KLHDC1: variants seen among roughly 807,000 people sequenced by gnomAD.
The protein encoded by KLHDC1 is kelch domain-containing protein 1.
A neutral mutation model predicts 68.3 loss-of-function variants in KLHDC1; 53 were observed. That is an observed-to-expected ratio of 0.78 (90% confidence interval 0.62 to 0.98). The LOEUF is 0.98. Ranked by LOEUF, KLHDC1 falls within the 50% of genes least tolerant of loss-of-function variation. The probability of loss-of-function intolerance (pLI) is 0.00; values close to 1 mark genes in which losing one functional copy is unlikely to be tolerated. For missense variants in KLHDC1, 470 were observed against 492.3 expected, an observed-to-expected ratio of 0.95 and a Z score of 0.43; for synonymous variants, 148 against 159.0, an observed-to-expected ratio of 0.93 and a Z score of 0.52.
At chr14:49,751,475 C>A in intron 12 of KLHDC1, 111 bp from the exon 13 acceptor site, 1 of 489,006 alleles carries the variant, frequency 2.0e-6, no homozygotes, top group Non-Finnish European at 3.4e-6. Flanking sequence ...AAAAAAAGAT[C>A]TGTGAAAGTC....
intron 4 of KLHDC1, among the ~76,000 whole-genome samples, chr14:49,713,111 G>A (rs541122124): frequency 6.6e-5 from 10 of 151,490 alleles, no homozygotes; most frequent in East Asian, 3.9e-4. Context: ...CACCACACCC[G>A]GGTAATTTTT....
intron 6 of KLHDC1, among the ~76,000 whole-genome samples, chr14:49,727,102 G>A (rs1888689615): frequency 6.6e-6 from 1 of 152,142 alleles, no homozygotes; most frequent in African/African-American, 2.4e-5. Context: ...AAGGAAATTA[G>A]CTGGGCGTGG....
intron 12 of KLHDC1, among the ~76,000 whole-genome samples, chr14:49,747,108 G>A (rs538988798): frequency 1.3e-5 from 2 of 151,966 alleles, no homozygotes; most frequent in African/African-American, 4.8e-5. Context: ...CACCACACCC[G>A]GCTAATTTTT....
intron 1 of KLHDC1, among the ~76,000 whole-genome samples, chr14:49,699,287 C>T (rs774217253): frequency 3.3e-5 from 5 of 151,358 alleles, no homozygotes; most frequent in Non-Finnish European, 5.9e-5. Flanking sequence ...GAAAATACAA[C>T]ACAGATGTAG....
intron 1 of KLHDC1, among the ~76,000 whole-genome samples, chr14:49,696,805 G>A (rs1009836363): frequency 6.6e-6 from 1 of 150,804 alleles, no homozygotes; most frequent in Non-Finnish European, 1.5e-5. Flanking sequence ...CTAGCTTTTG[G>A]CCTGTATTAG....
chr14:49,704,298 C>A (rs1453816282), intron 1 of KLHDC1, among the ~76,000 whole-genome samples: 1 of 148,850 alleles, frequency 6.7e-6, no homozygotes, highest in Admixed American at 6.7e-5. Flanking sequence ...CTTTTTTTAA[C>A]TAATTTATAC....
At position 49,709,189 on chromosome 14, in the gene KLHDC1, A is replaced by C; in HGVS notation, c.127A>C (p.Asn43His). 2 of 1,381,304 alleles carry C rather than the reference A, an allele frequency of 1.4e-6. No homozygotes were observed. The highest frequency in any genetic ancestry group is 3.9e-5 in the Admixed American group (2 of 51,928). The allele number at this position is 1,381,304 out of a possible 1,614,324, so 85.6% of individuals were successfully genotyped here. A position where few individuals can be genotyped will look rare whatever the true frequency, so the allele number is the denominator to read the frequency against. Residue 43 changes from asparagine to histidine, a missense_variant, in exon 2 of 13, where the codon AAT becomes CAT. Physicochemically the swap from Asn to His is moderately conservative, Grantham distance 68. Coordinates refer to ENST00000359332, the MANE Select transcript of KLHDC1 (RefSeq NM_172193.3). ...SIEDNEVYLP[N>H]DEIWTYDIDS... The stretch of plus-strand genomic sequence containing the variant: ...TGAAGACAATGAAGTATATTTGCCT[A>C]ATGATGAAATTTGGACCTATGATAT...
chr14:49,701,602 T>C (rs1887907479), intron 1 of KLHDC1, among the ~76,000 whole-genome samples: 1 of 151,978 alleles, frequency 6.6e-6, no homozygotes, highest in Non-Finnish European at 1.5e-5. Flanking sequence ...GAGGTTGTGG[T>C]GAGCCGAGAT....
intron 4 of KLHDC1, among the ~76,000 whole-genome samples, chr14:49,718,186 T>C (rs149089109): frequency 5.3e-5 from 8 of 152,166 alleles, no homozygotes; most frequent in African/African-American, 1.4e-4. Context: ...GTGCCCAGCA[T>C]TGAGGGTGTG....
At chr14:49,741,249 C>G (rs1189727041) in intron 11 of KLHDC1, among the ~76,000 whole-genome samples, 1 of 151,988 alleles carries the variant, frequency 6.6e-6, no homozygotes, top group Non-Finnish European at 1.5e-5. Context: ...CCTTCTGAAT[C>G]TTACCTACTA....
chr14:49,746,295 A>C (rs1889197514), intron 12 of KLHDC1, among the ~76,000 whole-genome samples: 1 of 152,174 alleles, frequency 6.6e-6, no homozygotes, highest in Non-Finnish European at 1.5e-5. Flanking sequence ...CCAGACATAA[A>C]ATTTCATAAT....
chr14:49,713,844 A>ATTTTTTTT (rs1888293520), intron 4 of KLHDC1, among the ~76,000 whole-genome samples: 2 of 35,600 alleles, frequency 5.6e-5, no homozygotes, highest in African/African-American at 1.1e-4. Context: ...ATATATATAT[A>ATTTTTTTT]TATATATTTT....
Position 49,734,587 on chromosome 14 carries a change from A to G in KLHDC1, c.824-2A>G, listed in dbSNP as rs1331731585. 5.1e-6 allele frequency: 8 copies of G among 1,568,830 alleles called. No individual in the cohort carries two copies. Among genetic ancestry groups the G allele is most frequent in the Admixed American group, 3.5e-5 (2 of 57,258 alleles). On this transcript the variant is annotated splice_acceptor_variant, in intron 9 of 12. Coordinates refer to ENST00000359332, the MANE Select transcript of KLHDC1 (RefSeq NM_172193.3). LOFTEE classifies it high-confidence loss of function. ...AATTTCTGAACTGTCATGATATTGC[A>G]GGTGATGGTTGGATTCATAATGTCA...
intron 4 of KLHDC1, among the ~76,000 whole-genome samples, chr14:49,721,554 T>TA (rs1206193641): frequency 3.9e-5 from 6 of 152,198 alleles, no homozygotes; most frequent in Non-Finnish European, 8.8e-5. Context: ...TTTAGGTTGC[T>TA]AGAGTAAGAG....
At chr14:49,716,807 A>G (rs536349163) in intron 4 of KLHDC1, among the ~76,000 whole-genome samples, 1 of 152,266 alleles carries the variant, frequency 6.6e-6, no homozygotes, top group Admixed American at 6.5e-5. Context: ...CATCACCAGT[A>G]CCTACTTCCA....
chr14:49,693,299 A>G lies in KLHDC1; in HGVS notation c.96+9A>G. On this transcript the variant is annotated intron_variant, in intron 1 of 12. Coordinates refer to ENST00000359332, the MANE Select transcript of KLHDC1 (RefSeq NM_172193.3). ...TGTGGGGGGGCTACGTGGTAAGGGG[A>G]AGAGGCGGGACGGGGTAGACTCGCG... The G allele has an allele frequency of 1.3e-6, 2 of 1,524,918 alleles. No individual in the cohort carries two copies. The highest frequency in any genetic ancestry group is 1.8e-6 in the Non-Finnish European group (2 of 1,135,484). 94.5% of individuals were successfully genotyped at this position (1,524,918 alleles called of 1,614,324 possible). A position where few individuals can be genotyped will look rare whatever the true frequency, so the allele number is the denominator to read the frequency against.
At position 49,709,826 on chromosome 14, in the gene KLHDC1, A is replaced by C; in HGVS notation, c.285A>C (p.Arg95=). 6.7e-7 allele frequency: 1 copy of C among 1,498,442 alleles called. No individual in the cohort carries two copies. Among genetic ancestry groups the C allele is most frequent in the Non-Finnish European group, 9.1e-7 (1 of 1,097,914 alleles). 92.8% of individuals were successfully genotyped at this position (1,498,442 alleles called of 1,614,324 possible). A position where few individuals can be genotyped will look rare whatever the true frequency, so the allele number is the denominator to read the frequency against. Residue 95 remains arginine, a splice_region_variant and synonymous_variant, in exon 3 of 13, where the codon CGA becomes CGC. Coordinates refer to ENST00000359332, the MANE Select transcript of KLHDC1 (RefSeq NM_172193.3). ...ATGATGACAAAGGATACAGCAATCG[A>C]GTAATAATTTCTTTAATTCAAGAGT... is the stretch of plus-strand genomic sequence containing the variant. ...GGYDDKGYSN[R]LYFVNLRTRD... is the part of the protein sequence containing the mutation.
chr14:49,703,083 A>G (rs1011381381), intron 1 of KLHDC1, among the ~76,000 whole-genome samples: 2 of 150,544 alleles, frequency 1.3e-5, no homozygotes, highest in East Asian at 3.9e-4. Flanking sequence ...AAATATATAT[A>G]CAATAGAATG....
intron 1 of KLHDC1, among the ~76,000 whole-genome samples, chr14:49,693,507 G>A (rs1329529281): frequency 6.6e-6 from 1 of 151,710 alleles, no homozygotes; most frequent in South Asian, 2.1e-4. Flanking sequence ...CTCAGACCCG[G>A]CTCCGGGCCT....
Sources: gnomAD v4.1 joint callset for allele counts (sites outside exome capture counted in the v4.1 genomes callset) on GRCh38, gnomAD v4.1.1 for gene constraint, MANE v1.5 for transcripts, NCBI Gene and HGNC (gene_info 2026-07-23, HGNC 2026-07-21) for gene names.